The following IFNAR1 variants were observed in gnomAD, a reference collection of about 807,000 sequenced individuals.
IFNAR1 encodes interferon alpha and beta receptor subunit 1.
Under a neutral mutation model 62.1 loss-of-function variants are expected in IFNAR1, and 47 were observed. The ratio of observed to expected loss-of-function variants is 0.76; its 90% CI spans 0.60 to 0.97. The LOEUF is 0.97. Among genes scored for constraint, IFNAR1 ranks in the 50% least tolerant of loss-of-function variants. The pLI, the probability that IFNAR1 is intolerant of heterozygous loss-of-function variation, is 0.00. For missense variants in IFNAR1, 638 were observed against 654.5 expected (o/e 0.97, Z 0.27); for synonymous variants, 219 against 226.9 (o/e 0.97, Z 0.31).
Position 33,349,438 on chromosome 21 carries a change from C to T in IFNAR1, c.1038C>T (p.Phe346=). 2 of 1,611,046 alleles carry T rather than the reference C, an allele frequency of 1.2e-6. No individual in the cohort carries two copies. The highest frequency in any genetic ancestry group is 1.7e-6 in the Non-Finnish European group (2 of 1,177,626). ...ACATTAGATCCCTTAGTGATTCATT[C>T]CATATCTATATCGGTGCTCCAAAAC... ...VFNIRSLSDS[F]HIYIGAPKQS... The change falls in exon 8 of 11, where the codon TTC becomes TTT. Residue 346 remains phenylalanine (F), a synonymous_variant. Coordinates refer to ENST00000270139, the MANE Select transcript of IFNAR1 (RefSeq NM_000629.3).
intron 5 of IFNAR1, 126 bp downstream of exon 5, chr21:33,343,802 A>G (rs541155684): frequency 1.2e-4 from 71 of 590,328 alleles, no homozygotes; most frequent in Non-Finnish European, 1.9e-4. Context: ...TAACATTTAC[A>G]TAAGCAAAAT....
chr21:33,341,155 A>G lies in IFNAR1; in HGVS notation c.357A>G (p.Ser119=). 1.2e-6 allele frequency: 2 copies of G among 1,608,738 alleles called. No homozygotes were observed. The change falls in exon 3 of 11, where the codon TCA becomes TCG. Residue 119 remains serine, a synonymous_variant. Transcript: ENST00000270139. The part of the protein sequence containing the change: ...ENTSSWYEVD[S]FTPFRKAQIG... ...CTTCTTCATGGTATGAGGTTGACTC[A>G]TTTACACCATTTCGCAAAGGTAAGA...
chr21:33,355,162 C>G (rs2083435239), intron 10 of IFNAR1, among the ~76,000 whole-genome samples, 154 bp from the exon 11 acceptor site: 1 of 152,006 alleles, frequency 6.6e-6, no homozygotes, highest in South Asian at 2.1e-4. Context: ...CATTATAAGG[C>G]AATTAGTATG....
rs1158320188 is a variant in IFNAR1 at position 33,349,069 on chromosome 21, TAAA to T, written c.789-18_789-16del. The T allele has an allele frequency of 6.9e-6, 10 of 1,452,010 alleles. No homozygotes were observed. In the Middle Eastern group the frequency reaches 7.0e-4, roughly 102 times the overall value. 89.9% of individuals were successfully genotyped at this position (1,452,010 alleles called of 1,614,324 possible). A position where few individuals can be genotyped will look rare whatever the true frequency, so the allele number is the denominator to read the frequency against. ...ATACTTAATAAATATCTAATGAATT[TAAA>T]AAATATTTGTCTTAAAAGCGCCTTT... is the stretch of plus-strand genomic sequence containing the variant. On this transcript the variant is annotated intron_variant, in intron 6 of 10. Coordinates refer to ENST00000270139, the MANE Select transcript of IFNAR1 (RefSeq NM_000629.3).
At chr21:33,353,836 G>T in intron 10 of IFNAR1, 53 bp downstream of exon 10, 1 of 1,210,540 alleles carries the variant, frequency 8.3e-7, no homozygotes. Flanking sequence ...AACAGAAAAT[G>T]TGTTTGATTT....
At chr21:33,331,851 G>T (rs2083184268) in intron 1 of IFNAR1, among the ~76,000 whole-genome samples, 1 of 152,228 alleles carries the variant, frequency 6.6e-6, no homozygotes, top group South Asian at 2.1e-4. Context: ...AGTCAGGCCA[G>T]TGCTATGCCC....
chr21:33,347,547 A>G (rs959019562), intron 6 of IFNAR1, among the ~76,000 whole-genome samples: 2 of 152,156 alleles, frequency 1.3e-5, no homozygotes, highest in East Asian at 1.9e-4. Flanking sequence ...GATTAGAGGC[A>G]TGAGCCACCA....
intron 2 of IFNAR1, among the ~76,000 whole-genome samples, chr21:33,337,678 AATAC>A (rs1219453159): frequency 4.5e-5 from 2 of 44,290 alleles, no homozygotes; most frequent in African/African-American, 1.1e-4. Context: ...CACTATATAT[AATAC>A]ATACTGTATA....
intron 8 of IFNAR1, among the ~76,000 whole-genome samples, chr21:33,352,412 G>A (rs1048007078): frequency 6.6e-6 from 1 of 152,058 alleles, no homozygotes; most frequent in African/African-American, 2.4e-5. Context: ...AGACCAGCCT[G>A]AACAACATGG....
chr21:33,335,005 C>G, intron 1 of IFNAR1: 2 of 1,509,518 alleles, frequency 1.3e-6, no homozygotes, highest in Non-Finnish European at 1.8e-6. Flanking sequence ...GCAGGTGACT[C>G]TTCCTGGCAC....
chr21:33,343,626 C>T lies in IFNAR1; in HGVS notation c.623C>T (p.Thr208Met), dbSNP rs767417203. The T allele has an allele frequency of 1.1e-5, 18 of 1,607,240 alleles. No individual in the cohort carries two copies. In the East Asian group the frequency reaches 2.7e-4, roughly 24 times the overall value. Residue 208 changes from threonine (T) to methionine (M), a missense_variant, in exon 5 of 11, where the codon ACG (threonine) becomes ATG (methionine). Coordinates refer to ENST00000270139, the MANE Select transcript of IFNAR1 (RefSeq NM_000629.3). The part of the protein sequence containing the change: ...YCLKVKAALL[T>M]SWKIGVYSPV... ...CTAAAAGTTAAAGCAGCACTACTTA[C>T]GTCATGGAAAATTGGTGTCTATAGT...
intron 5 of IFNAR1, 147 bp downstream of exon 5, chr21:33,343,823 T>A (rs1390951166): frequency 1.8e-6 from 1 of 557,986 alleles, no homozygotes; most frequent in Non-Finnish European, 3.1e-6. Context: ...AAATGTTACT[T>A]GGGATTTTTG....
At chr21:33,324,904 A>G, upstream of IFNAR1, 3 of 572,548 alleles carry the variant, frequency 5.2e-6, no homozygotes, top group Non-Finnish European at 9.1e-6. Flanking sequence ...TGTGTGTGTC[A>G]GAAGAGGCGG....
At chr21:33,354,871 C>T (rs2083432635) in intron 10 of IFNAR1, among the ~76,000 whole-genome samples, 2 of 152,002 alleles carry the variant, frequency 1.3e-5, no homozygotes, top group South Asian at 4.1e-4. Context: ...TTCCTGTGTA[C>T]TGTAATATTC....
rs1601861199 is a variant in IFNAR1 at position 33,345,245 on chromosome 21, G to A, written c.674-1G>A. On this transcript the variant is annotated splice_acceptor_variant, in intron 5 of 10. Transcript: ENST00000270139. LOFTEE classifies it high-confidence loss of function. ...TTTTTTATCTGTTCTTTGGCTTCTA[G>A]TTGAAAATGAACTACCTCCACCAGA... The A allele has an allele frequency of 6.8e-7, 1 of 1,474,948 alleles. No homozygotes were observed. The highest frequency in any genetic ancestry group is 9.5e-7 in the Non-Finnish European group (1 of 1,057,556). 91.4% of individuals were successfully genotyped at this position (1,474,948 alleles called of 1,614,324 possible). A position where few individuals can be genotyped will look rare whatever the true frequency, so the allele number is the denominator to read the frequency against.
At chr21:33,324,575 G>GGTGGT, upstream of IFNAR1, 1 of 156,450 alleles carries the variant, frequency 6.4e-6, no homozygotes, top group Admixed American at 6.4e-5. Context: ...GAGCCCACCC[G>GGTGGT]CGCCCTCCGA....
Position 33,357,207 on chromosome 21 carries a change from T to TG in IFNAR1, c.*1658_*1659insG, listed in dbSNP as rs1351959789. 1 of 152,160 alleles carries TG rather than the reference T, an allele frequency of 6.6e-6. No homozygotes were observed. Among genetic ancestry groups the TG allele is most frequent in the Admixed American group, 6.5e-5 (1 of 15,276 alleles). 9.4% of individuals were successfully genotyped at this position (152,160 alleles called of 1,614,324 possible). A position where few individuals can be genotyped will look rare whatever the true frequency, so the allele number is the denominator to read the frequency against. On this transcript the variant is annotated 3_prime_UTR_variant, in exon 11 of 11. Transcript: ENST00000270139. The stretch of plus-strand genomic sequence containing the variant: ...GACCAGTGAAAGAAAAGAGACAAAG[T>TG]TAGAACGTGCTGGGGAGCGGCCATT...
intron 1 of IFNAR1, chr21:33,335,008 C>T: frequency 1.3e-6 from 2 of 1,506,888 alleles, no homozygotes; most frequent in Non-Finnish European, 1.8e-6. Context: ...GGTGACTCTT[C>T]CTGGCACTGG....
intron 2 of IFNAR1, among the ~76,000 whole-genome samples, chr21:33,339,766 A>T (rs184658231): frequency 6.9e-4 from 105 of 151,970 alleles, no homozygotes; most frequent in Middle Eastern, 3.4e-3. Flanking sequence ...TACTAAAAAA[A>T]AAAATACAAA....
Sources: allele counts gnomAD v4.1 joint callset (sites outside exome capture counted in the v4.1 genomes callset), GRCh38; gene constraint gnomAD v4.1.1; transcripts MANE v1.5; gene names NCBI Gene and HGNC (gene_info 2026-07-23, HGNC 2026-07-21).